Variants in SAMTOR observed in about 807,000 individuals in gnomAD.
The protein encoded by SAMTOR is UPF0532 protein C7orf60.
the SAMTOR span, among the ~76,000 whole-genome samples, chr7:112,917,948 T>G: frequency 6.6e-6 from 1 of 152,098 alleles, no homozygotes; most frequent in Non-Finnish European, 1.5e-5. Context: ...TGAGACTATG[T>G]GAAAAGACCA....
chr7:112,827,055 A>G, the SAMTOR span, among the ~76,000 whole-genome samples: 2 of 152,128 alleles, frequency 1.3e-5, no homozygotes, highest in Admixed American at 1.3e-4. Context: ...ATGGAATGTC[A>G]TTTTTATCCC....
At chr7:112,892,464 T>C in the SAMTOR span, among the ~76,000 whole-genome samples, 9 of 152,302 alleles carry the variant, frequency 5.9e-5, no homozygotes, top group African/African-American at 1.4e-4. Context: ...TTACAAAATG[T>C]ATTTCTTAAA....
chr7:112,924,487 T>C, the SAMTOR span, among the ~76,000 whole-genome samples: 1 of 152,192 alleles, frequency 6.6e-6, no homozygotes, highest in East Asian at 1.9e-4. Flanking sequence ...AGAGTAAGGA[T>C]ACAAACAAAC....
the SAMTOR span, among the ~76,000 whole-genome samples, chr7:112,851,442 G>A: frequency 1.3e-5 from 2 of 151,940 alleles, no homozygotes; most frequent in Admixed American, 1.3e-4. Flanking sequence ...ATATACAATG[G>A]GGAAAAAAGC....
chr7:112,879,101 G>C, the SAMTOR span, among the ~76,000 whole-genome samples: 13 of 151,538 alleles, frequency 8.6e-5, no homozygotes, highest in African/African-American at 3.2e-4. Context: ...ATCAATCTGA[G>C]TGGTTCAGGA....
the SAMTOR span, chr7:112,821,749 T>G: frequency 1.3e-6 from 2 of 1,590,258 alleles, no homozygotes; most frequent in Non-Finnish European, 1.7e-6. Flanking sequence ...CTATATTAAC[T>G]TAAAAGTAAT....
At chr7:112,876,028 TTA>T in the SAMTOR span, among the ~76,000 whole-genome samples, 1 of 152,160 alleles carries the variant, frequency 6.6e-6, no homozygotes, top group African/African-American at 2.4e-5. Flanking sequence ...TGGTGCAATC[TTA>T]GCTCACCACA....
At chr7:112,933,158 C>T in the SAMTOR span, among the ~76,000 whole-genome samples, 1 of 152,156 alleles carries the variant, frequency 6.6e-6, no homozygotes, top group Non-Finnish European at 1.5e-5. Context: ...AGGGATCCTG[C>T]TGCTTTTGCT....
chr7:112,923,831 G>T, the SAMTOR span, among the ~76,000 whole-genome samples: 1 of 151,998 alleles, frequency 6.6e-6, no homozygotes, highest in Non-Finnish European at 1.5e-5. Flanking sequence ...AAGAAAATGT[G>T]GCACATATAC....
chr7:112,845,562 G>A, the SAMTOR span, among the ~76,000 whole-genome samples: 22 of 152,190 alleles, frequency 1.4e-4, no homozygotes, highest in African/African-American at 4.8e-4. Context: ...AAGTCATAAT[G>A]GTTATTATTA....
chr7:112,920,313 G>A, the SAMTOR span, among the ~76,000 whole-genome samples: 1 of 152,096 alleles, frequency 6.6e-6, no homozygotes, highest in Non-Finnish European at 1.5e-5. Flanking sequence ...ATCAATAAAT[G>A]TAATCCAGCA....
the SAMTOR span, among the ~76,000 whole-genome samples, chr7:112,871,883 C>T: frequency 1.1e-4 from 17 of 152,110 alleles, no homozygotes; most frequent in Non-Finnish European, 2.4e-4. Context: ...TCTATGCTCA[C>T]AAAATAGAAA....
At chr7:112,907,148 C>T in the SAMTOR span, among the ~76,000 whole-genome samples, 1 of 152,010 alleles carries the variant, frequency 6.6e-6, no homozygotes, top group African/African-American at 2.4e-5. Context: ...CAATGATATA[C>T]ACAATGGAAT....
the SAMTOR span, among the ~76,000 whole-genome samples, chr7:112,837,977 T>C: frequency 6.6e-6 from 1 of 151,988 alleles, no homozygotes; most frequent in Non-Finnish European, 1.5e-5. Context: ...TAAGGCACAA[T>C]ACAGCATTCT....
At chr7:112,850,218 CAAA>C in the SAMTOR span, among the ~76,000 whole-genome samples, 4 of 145,600 alleles carry the variant, frequency 2.7e-5, no homozygotes, top group African/African-American at 1.0e-4. Context: ...ACAACAACAA[CAAA>C]AAAAACCATC....
the SAMTOR span, among the ~76,000 whole-genome samples, chr7:112,909,467 A>T: frequency 6.6e-6 from 1 of 152,214 alleles, no homozygotes; most frequent in African/African-American, 2.4e-5. Flanking sequence ...AAAACGCCCC[A>T]AACTGAAAAT....
chr7:112,924,341 G>A, the SAMTOR span, among the ~76,000 whole-genome samples: 2 of 152,028 alleles, frequency 1.3e-5, no homozygotes, highest in Admixed American at 6.5e-5. Context: ...TAGTCCAAAT[G>A]TAACAACCAA....
chr7:112,934,143 C>A, the SAMTOR span, among the ~76,000 whole-genome samples: 1 of 152,136 alleles, frequency 6.6e-6, no homozygotes, highest in Non-Finnish European at 1.5e-5. Context: ...TGGTACCCAG[C>A]ACAGCAGACA....
chr7:112,837,844 T>C, the SAMTOR span, among the ~76,000 whole-genome samples: 1 of 151,966 alleles, frequency 6.6e-6, no homozygotes, highest in African/African-American at 2.4e-5. Context: ...TGAATTTATA[T>C]GTTTCTGTTT....
Sources: allele counts gnomAD v4.1 joint callset (sites outside exome capture counted in the v4.1 genomes callset), GRCh38; gene constraint gnomAD v4.1.1; transcripts MANE v1.5; gene names NCBI Gene and HGNC (gene_info 2026-07-23, HGNC 2026-07-21).